FLT3: variants seen among roughly 807,000 people sequenced by gnomAD.
The protein encoded by FLT3 is receptor-type tyrosine-protein kinase FLT3.
A neutral mutation model predicts 126.6 loss-of-function variants in FLT3; 46 were observed. The observed-to-expected ratio is 0.36, with a 90% confidence interval of 0.29 to 0.46. The LOEUF is 0.46. Ranked by LOEUF, FLT3 falls within the 20% of genes least tolerant of loss-of-function variation. The pLI is 1.00. For missense variants in FLT3, 1,069 were observed against 1,190.3 expected (o/e 0.90, Z 1.50); for synonymous variants, 404 against 434.4 (o/e 0.93, Z 0.87).
intron 2 of FLT3, among the ~76,000 whole-genome samples, chr13:28,063,738 G>A (rs1423252091): frequency 5.4e-5 from 8 of 147,666 alleles, no homozygotes; most frequent in African/African-American, 5.0e-5. Flanking sequence ...TATGAGACTA[G>A]AAAAAAAAAA....
chr13:28,017,653 T>C (rs1871983677), intron 20 of FLT3, among the ~76,000 whole-genome samples: 1 of 148,250 alleles, frequency 6.7e-6, no homozygotes, highest in Non-Finnish European at 1.5e-5. Flanking sequence ...TCACACTGTT[T>C]TTTTTGTTGT....
intron 3 of FLT3, among the ~76,000 whole-genome samples, chr13:28,060,429 A>G (rs1161154692): frequency 6.7e-6 from 1 of 148,988 alleles, no homozygotes; most frequent in African/African-American, 2.5e-5. Context: ...CTCAAAAAAA[A>G]AAAAAAATTC....
chr13:28,041,612 C>T (rs1048047220), intron 9 of FLT3, among the ~76,000 whole-genome samples: 47 of 152,282 alleles, frequency 3.1e-4, no homozygotes, highest in Admixed American at 1.5e-3. Flanking sequence ...TTTAAACTGC[C>T]TTTCCTCATG....
rs573326027 is a variant in FLT3, at chr13:28,004,063, C to T, written c.2971G>A (p.Glu991Lys). 6.0e-5 allele frequency: 97 copies of T among 1,613,954 alleles called. No homozygotes were observed. The highest frequency in any genetic ancestry group is 4.6e-4 in the South Asian group (42 of 91,086). The change falls in exon 24 of 24, where the codon GAA (glutamate) becomes AAA (lysine). Residue 991 changes from glutamate (E) to lysine (K), a missense_variant. Glu to Lys is a moderately conservative substitution (Grantham distance 56). Coordinates refer to ENST00000241453, the MANE Select transcript of FLT3 (RefSeq NM_004119.3). The part of the protein sequence containing the change: ...LGLLSPQAQV[E>K]DS ...ACTAAATTGTTCCTCTACGAATCTT[C>T]GACCTGAGCCTGCGGAGAGAGTAGC...
intron 1 of FLT3, among the ~76,000 whole-genome samples, chr13:28,074,615 T>C (rs945907688): frequency 6.6e-6 from 1 of 152,060 alleles, no homozygotes; most frequent in African/African-American, 2.4e-5. Flanking sequence ...AATAAGTGTG[T>C]TGTATCTCAT....
At chr13:28,050,631 G>A (rs1217609719) in intron 5 of FLT3, among the ~76,000 whole-genome samples, 1 of 152,162 alleles carries the variant, frequency 6.6e-6, no homozygotes, top group East Asian at 1.9e-4. Flanking sequence ...TTGGGACGCA[G>A]TAAGGGAGGG....
intron 1 of FLT3, among the ~76,000 whole-genome samples, chr13:28,091,232 T>C (rs1339658256): frequency 2.4e-5 from 3 of 125,764 alleles, no homozygotes; most frequent in Non-Finnish European, 4.9e-5. Flanking sequence ...TTTTTTTTTT[T>C]TTTTTTTGAG....
chr13:28,073,851 G>C (rs1421037652), intron 1 of FLT3, among the ~76,000 whole-genome samples: 1 of 149,140 alleles, frequency 6.7e-6, no homozygotes, highest in Non-Finnish European at 1.5e-5. Flanking sequence ...GAAGTGGGAG[G>C]ATAGCTTGAG....
rs560600551 is a variant in FLT3, at chr13:28,052,156, G to A, written c.614+389C>T. ...GTTGCCCAGGCTGGAGTGCAATGGC[G>A]TGATCTTGGCTCACCACAACCTTTG... On this transcript the variant is annotated intron_variant, in intron 5 of 23. Transcript: ENST00000241453. 1.2e-4 allele frequency among the ~76,000 whole-genome samples: 18 copies of A among 151,710 alleles called. No homozygotes were observed. In the East Asian group the frequency reaches 2.1e-3, roughly 18 times the overall value.
intron 19 of FLT3, among the ~76,000 whole-genome samples, chr13:28,020,988 G>C (rs979870810): frequency 2.6e-5 from 4 of 152,182 alleles, no homozygotes; most frequent in Non-Finnish European, 4.4e-5. Context: ...GGGGTTGAAG[G>C]GGAAGCAGTG....
At chr13:28,016,417 C>T (rs1325975340) in intron 20 of FLT3, among the ~76,000 whole-genome samples, 5 of 151,990 alleles carry the variant, frequency 3.3e-5, no homozygotes, top group East Asian at 1.9e-4. Flanking sequence ...ATTACAGGTA[C>T]GCACCACCAT....
chr13:28,039,911 T>G (rs1334656407), intron 9 of FLT3, among the ~76,000 whole-genome samples: 1 of 152,038 alleles, frequency 6.6e-6, no homozygotes, highest in Non-Finnish European at 1.5e-5. Flanking sequence ...CAGGCTGGTC[T>G]CAAACTCCTG....
chr13:28,008,809 G>A (rs1291304038), intron 23 of FLT3, among the ~76,000 whole-genome samples: 1 of 152,024 alleles, frequency 6.6e-6, no homozygotes, highest in African/African-American at 2.4e-5. Context: ...AAATTTGGGG[G>A]CTTTTTTGGT....
chr13:28,057,529 T>G, intron 3 of FLT3, 67 bp from the exon 4 acceptor site: 1 of 820,788 alleles, frequency 1.2e-6, no homozygotes, highest in Non-Finnish European at 2.1e-6. Flanking sequence ...AATTTCATAG[T>G]GACTAAAAAG....
In FLT3 at chr13:28,048,285, T is replaced by C. The variant is rs1437406402; in HGVS notation, c.1195A>G (p.Asn399Asp). The change falls in exon 9 of 24, where the codon AAC becomes GAC. Residue 399 changes from asparagine (N) to aspartate (D), a missense_variant. Physicochemically the swap from Asn to Asp is conservative, Grantham distance 23. Transcript: ENST00000241453. ...SFPCEQKGLD[N>D]GYSISKFCNH... ...CCTTTGTGGTCTCACCTGTATCCGT[T>C]ATCAAGACCCTTTTGCTCACAAGGA... The C allele has an allele frequency of 6.2e-7, 1 of 1,613,278 alleles. No homozygotes were observed. The highest frequency in any genetic ancestry group is 8.5e-7 in the Non-Finnish European group (1 of 1,179,664).
At position 28,044,277 on chromosome 13, in the gene FLT3, C is replaced by T. The variant is rs150273047; in HGVS notation, c.1205+3998G>A. Reference sequence around the variant, plus strand: ...CAGCCTGGCCAACATGGCAAAACCCCGTCTCTACTAAAAATACAAAAAAAT... The same window carrying T: ...CAGCCTGGCCAACATGGCAAAACCCTGTCTCTACTAAAAATACAAAAAAAT... On this transcript the variant is annotated intron_variant, in intron 9 of 23. Coordinates refer to ENST00000241453, the MANE Select transcript of FLT3 (RefSeq NM_004119.3). Among the ~76,000 whole-genome samples the T allele has an allele frequency of 7.4e-3, 1,126 of 151,972 alleles. 6 individuals are homozygous for T. The highest frequency in any genetic ancestry group is 0.013 in the Non-Finnish European group (857 of 67,968).
chr13:28,052,634 T>G lies in FLT3; in HGVS notation c.525A>C (p.Lys175Asn). The G allele has an allele frequency of 6.2e-7, 1 of 1,612,346 alleles. No individual in the cohort carries two copies. The highest frequency in any genetic ancestry group is 8.5e-7 in the Non-Finnish European group (1 of 1,178,406). ...LYTLRRPYFRKMENQDALVCI... is the reference protein window; with the variant it reads ...LYTLRRPYFRNMENQDALVCI... ...AGACCAGGGCGTCCTGGTTTTCCAT[T>G]TTTCTAAAGTAAGGTCTTCTTAATG... The change falls in exon 5 of 24, where the codon AAA (lysine) becomes AAC (asparagine). Residue 175 changes from lysine (K) to asparagine (N), a missense_variant. Lys to Asn is a moderately conservative substitution (Grantham distance 94, BLOSUM62 0). Transcript: ENST00000241453.
In FLT3 at chr13:28,048,419, T is replaced by C; in HGVS notation, c.1061A>G (p.Asn354Ser). 6.2e-7 allele frequency: 1 copy of C among 1,607,910 alleles called. No individual in the cohort carries two copies. The change falls in exon 9 of 24, where the codon AAT becomes AGT. Residue 354 changes from asparagine (N) to serine (S), a missense_variant. Physicochemically the swap from Asn to Ser is conservative, Grantham distance 46 (BLOSUM62 1). Transcript: ENST00000241453. The stretch of plus-strand genomic sequence containing the variant: ...GTCAATTTCATAATCTTCACTTGAA[T>C]TGGTAGCATTTATAAATCCCTTTTC... ...IVEKGFINAT[N>S]SSEDYEIDQY...
rs1255251785 is a variant in FLT3 at position 28,034,028 on chromosome 13, A to AT, written c.1838-38dup. ...AATGGTGAGTACGTGCATTTTAAAG[A>AT]TTTTCCAATGGAAAAGAAATGCTGC... On this transcript the variant is annotated intron_variant, in intron 14 of 23. Coordinates refer to ENST00000241453, the MANE Select transcript of FLT3 (RefSeq NM_004119.3). 2.5e-6 allele frequency: 4 copies of AT among 1,613,254 alleles called. No individual in the cohort carries two copies. In the East Asian group the frequency reaches 6.7e-5, roughly 27 times the overall value.
Sources: gnomAD v4.1 joint callset for allele counts (sites outside exome capture counted in the v4.1 genomes callset) on GRCh38, gnomAD v4.1.1 for gene constraint, MANE v1.5 for transcripts, NCBI Gene and HGNC (gene_info 2026-07-23, HGNC 2026-07-21) for gene names.